Variants in RAB27A observed in about 807,000 individuals in gnomAD.
RAB27A encodes RAB27A, member RAS oncogene family.
Under a neutral mutation model 20.8 loss-of-function variants are expected in RAB27A, and 17 were observed. That is an observed-to-expected ratio of 0.82 (90% CI 0.56 to 1.23). The LOEUF (loss-of-function observed/expected upper bound fraction) is 1.23, where lower values mean the gene tolerates loss of function less well. Among genes scored for constraint, RAB27A ranks in the 50% most tolerant of loss-of-function variants. RAB27A has a pLI of 0.00. For synonymous variants in RAB27A, 85 were observed against 92.8 expected, an observed-to-expected ratio of 0.92 and a Z score of 0.48; for missense variants, 277 against 266.7, an observed-to-expected ratio of 1.04 and a Z score of -0.27.
In RAB27A at chr15:55,234,975, A is replaced by AT. The variant is rs1566911837; in HGVS notation, c.-22-20dup. On this transcript the variant is annotated intron_variant, in intron 2 of 6. Coordinates refer to ENST00000336787, the MANE Select transcript of RAB27A (RefSeq NM_183235.3). ...AGTTCACCTGTAAAATACACACAAA[A>AT]TTTTTTAATTAAAATCCATTAGAAA... 6.4e-7 allele frequency: 1 copy of AT among 1,559,758 alleles called. No individual in the cohort carries two copies.
At chr15:55,288,166 T>C (rs1898206966) in intron 1 of RAB27A, among the ~76,000 whole-genome samples, 3 of 152,142 alleles carry the variant, frequency 2.0e-5, no homozygotes, top group Admixed American at 2.0e-4. Context: ...TAAGTATAAA[T>C]CTTCATGATC....
intron 3 of RAB27A, among the ~76,000 whole-genome samples, chr15:55,232,122 T>C (rs929232403): frequency 2.0e-5 from 3 of 152,126 alleles, no homozygotes; most frequent in African/African-American, 7.2e-5. Context: ...CTGCCTGCAG[T>C]AGTATTAAAC....
chr15:55,304,468 A>T (rs1338246700), intron 2 of RAB27A, among the ~76,000 whole-genome samples: 1 of 117,060 alleles, frequency 8.5e-6, no homozygotes, highest in Non-Finnish European at 1.6e-5. Context: ...ATAAAAAAAT[A>T]AATTTAAAAA....
chr15:55,262,753 C>G (rs923514895), intron 2 of RAB27A, among the ~76,000 whole-genome samples: 2 of 151,890 alleles, frequency 1.3e-5, no homozygotes, highest in Non-Finnish European at 2.9e-5. Flanking sequence ...CCGCCCCAGC[C>G]TCCCTTGTCC....
In RAB27A at chr15:55,283,799, C is replaced by T. The variant is rs1180827235; in HGVS notation, c.-143+5917G>A. Among the ~76,000 whole-genome samples the T allele has an allele frequency of 2.0e-5, 3 of 151,910 alleles. No individual in the cohort carries two copies. In the East Asian group the frequency reaches 5.8e-4, roughly 29 times the overall value. ...TATTTCTGTATGTTTCATTTCTCCCCTTATTAGGGCTAGTACAGCAAGAAC... is the reference window on the plus strand; with the variant it reads ...TATTTCTGTATGTTTCATTTCTCCCTTTATTAGGGCTAGTACAGCAAGAAC... On this transcript the variant is annotated intron_variant, in intron 1 of 6. Coordinates refer to ENST00000336787, the MANE Select transcript of RAB27A (RefSeq NM_183235.3).
At chr15:55,212,657 G>T (rs1895083700) in intron 6 of RAB27A, among the ~76,000 whole-genome samples, 1 of 151,508 alleles carries the variant, frequency 6.6e-6, no homozygotes, top group Non-Finnish European at 1.5e-5. Flanking sequence ...AGCCTCCCAA[G>T]TAGCTGGGAT....
intron 2 of RAB27A, among the ~76,000 whole-genome samples, chr15:55,298,178 C>A (rs1427875987): frequency 2.0e-5 from 3 of 146,680 alleles, no homozygotes; most frequent in African/African-American, 7.7e-5. Flanking sequence ...GCACTCCAGC[C>A]TGGATGACAG....
Position 55,221,109 on chromosome 15 carries a change from A to C in RAB27A, c.467+2780T>G, listed in dbSNP as rs752896647. On this transcript the variant is annotated intron_variant, in intron 6 of 6. Transcript: ENST00000336787. ...ACCCCATATGACAGAAGGCAGGGTT[A>C]GGCTCTGTGAAACCAGACAGGCTGT... Among the ~76,000 whole-genome samples the C allele has an allele frequency of 2.6e-5, 4 of 152,292 alleles. No individual in the cohort carries two copies. In the South Asian group the frequency reaches 8.3e-4, roughly 32 times the overall value.
At chr15:55,234,513 A>C (rs1896172259) in intron 3 of RAB27A, among the ~76,000 whole-genome samples, 1 of 152,216 alleles carries the variant, frequency 6.6e-6, no homozygotes, top group Non-Finnish European at 1.5e-5. Flanking sequence ...TAACTTTCGG[A>C]GTTCAGAGGG....
chr15:55,276,366 A>G (rs1460764705), intron 1 of RAB27A, among the ~76,000 whole-genome samples: 1 of 152,262 alleles, frequency 6.6e-6, no homozygotes, highest in Non-Finnish European at 1.5e-5. Context: ...AGACACATAA[A>G]GAAAAATACT....
chr15:55,212,272 G>A (rs771159741), intron 6 of RAB27A, among the ~76,000 whole-genome samples: 2 of 152,108 alleles, frequency 1.3e-5, no homozygotes, highest in Non-Finnish European at 2.9e-5. Context: ...AGCAGAGTTA[G>A]GATTTGGGTC....
rs187028695 is a variant in RAB27A at position 55,280,785 on chromosome 15, G to A, written c.-143+8931C>T. Among the ~76,000 whole-genome samples, 7 of 151,764 alleles carry A rather than the reference G, an allele frequency of 4.6e-5. 1 individual carries two copies. The highest frequency in any genetic ancestry group is 4.6e-4 in the Admixed American group (7 of 15,204). On this transcript the variant is annotated intron_variant, in intron 1 of 6. Coordinates refer to ENST00000336787, the MANE Select transcript of RAB27A (RefSeq NM_183235.3). Reference sequence around the variant, plus strand: ...TGGTTTTCTGTCCTTGAGATAGTTTGCTGAGAATGATGGTTTCCAGCTTCA... The same window carrying A: ...TGGTTTTCTGTCCTTGAGATAGTTTACTGAGAATGATGGTTTCCAGCTTCA...
chr15:55,208,580 T>TCAACACACCGAAGTTC (rs1393823059), intron 6 of RAB27A, among the ~76,000 whole-genome samples: 2 of 152,130 alleles, frequency 1.3e-5, no homozygotes, highest in Admixed American at 1.3e-4. Context: ...GCATCACATC[T>TCAACACACCGAAGTTC]CAACACACCG....
chr15:55,228,302 T>C (rs901146065), intron 5 of RAB27A, among the ~76,000 whole-genome samples: 1 of 152,230 alleles, frequency 6.6e-6, no homozygotes, highest in Non-Finnish European at 1.5e-5. Context: ...TCTAGGCTTC[T>C]ACTTCCTCAT....
intron 2 of RAB27A, among the ~76,000 whole-genome samples, chr15:55,306,272 T>A (rs1445646630): frequency 1.3e-5 from 2 of 152,172 alleles, no homozygotes; most frequent in Admixed American, 1.3e-4. Flanking sequence ...GTTCCCTTGT[T>A]CAGGTACAGG....
chr15:55,222,622 C>G lies in RAB27A; in HGVS notation c.467+1267G>C, dbSNP rs548330197. On this transcript the variant is annotated intron_variant, in intron 6 of 6. Coordinates refer to ENST00000336787, the MANE Select transcript of RAB27A (RefSeq NM_183235.3). ...TCCTACCTGGCCAACCTATCCTCCC[C>G]CTCCCTTCCCACTATAAACCCTACC... Among the ~76,000 whole-genome samples, 47 of 152,268 alleles carry G rather than the reference C, an allele frequency of 3.1e-4. 1 individual carries two copies. The South Asian group carries it at 9.7e-3, about 32-fold the overall frequency.
At chr15:55,217,577 A>C (rs1051297341) in intron 6 of RAB27A, among the ~76,000 whole-genome samples, 1 of 146,042 alleles carries the variant, frequency 6.8e-6, no homozygotes, top group Non-Finnish European at 1.5e-5. Context: ...AGGCAGGAGA[A>C]TCGCTTGAAC....
intron 2 of RAB27A, among the ~76,000 whole-genome samples, chr15:55,313,834 G>A (rs2055031292): frequency 6.6e-6 from 1 of 152,168 alleles, no homozygotes; most frequent in Non-Finnish European, 1.5e-5. Context: ...TTAGCCGGGA[G>A]TGGTGGCAAG....
intron 2 of RAB27A, among the ~76,000 whole-genome samples, chr15:55,308,549 C>T (rs1249856904): frequency 6.6e-6 from 1 of 152,198 alleles, no homozygotes; most frequent in African/African-American, 2.4e-5. Flanking sequence ...GAACTTCCAT[C>T]AGTATACAAG....
Sources: allele counts gnomAD v4.1 joint callset (sites outside exome capture counted in the v4.1 genomes callset), GRCh38; gene constraint gnomAD v4.1.1; transcripts MANE v1.5; gene names NCBI Gene and HGNC (gene_info 2026-07-23, HGNC 2026-07-21).